Variants in CAST observed in about 807,000 individuals in gnomAD.
CAST encodes calpastatin.
In CAST, 76 loss-of-function variants were observed where a neutral mutation model predicts 119.6. The observed-to-expected ratio is 0.64, with a 90% CI of 0.53 to 0.77. CAST has a LOEUF of 0.77. Ranked by LOEUF, CAST falls within the 30% of genes least tolerant of loss-of-function variation. CAST has a pLI of 0.00. For synonymous variants in CAST, 319 were observed against 331.6 expected (o/e 0.96, Z 0.41); for missense variants, 953 against 946.5 (o/e 1.01, Z -0.09).
At chr5:96,153,158 G>A in the CAST span, among the ~76,000 whole-genome samples, 1 of 151,890 alleles carries the variant, frequency 6.6e-6, no homozygotes, top group African/African-American at 2.4e-5. Context: ...TTTTTCCTTG[G>A]CAGCATATTA....
At chr5:96,100,641 A>G in the CAST span, among the ~76,000 whole-genome samples, 1 of 152,084 alleles carries the variant, frequency 6.6e-6, no homozygotes, top group African/African-American at 2.4e-5. Flanking sequence ...TAATTTCTTC[A>G]TCTTATCTTC....
At chr5:96,344,874 A>G in the CAST span, among the ~76,000 whole-genome samples, 9 of 152,340 alleles carry the variant, frequency 5.9e-5, no homozygotes, top group Middle Eastern at 3.4e-3. Context: ...TTACACAAAT[A>G]GAGCTGAAAA....
At chr5:96,470,294 A>G in the CAST span, among the ~76,000 whole-genome samples, 1 of 152,014 alleles carries the variant, frequency 6.6e-6, no homozygotes, top group African/African-American at 2.4e-5. Context: ...ATCGAAAAAT[A>G]TATAAAGGTT....
the CAST span, among the ~76,000 whole-genome samples, chr5:96,435,569 A>T: frequency 2.0e-5 from 3 of 152,236 alleles, no homozygotes; most frequent in Non-Finnish European, 4.4e-5. Context: ...AGTGACCTCC[A>T]GGCCCATCAG....
At chr5:96,333,396 G>T in the CAST span, among the ~76,000 whole-genome samples, 1 of 152,166 alleles carries the variant, frequency 6.6e-6, no homozygotes, top group African/African-American at 2.4e-5. Flanking sequence ...AGACGCCCTA[G>T]GTGGCCGGGC....
the CAST span, among the ~76,000 whole-genome samples, chr5:96,017,340 A>C: frequency 6.6e-6 from 1 of 152,282 alleles, no homozygotes; most frequent in African/African-American, 2.4e-5. Flanking sequence ...CCAAAAGACA[A>C]CACTTTTCTA....
chr5:96,542,052 T>G (rs555047338), intron 1 of CAST, among the ~76,000 whole-genome samples: 1 of 152,334 alleles, frequency 6.6e-6, no homozygotes, highest in East Asian at 1.9e-4. Context: ...GGCTCACGCC[T>G]GTAATCCCAG....
the CAST span, among the ~76,000 whole-genome samples, chr5:96,154,592 C>T: frequency 6.2e-4 from 94 of 152,280 alleles, 1 homozygote; most frequent in East Asian, 0.015. Flanking sequence ...TTTTCTGTTC[C>T]GGGATCCATC....
chr5:96,729,704 A>C lies in CAST; in HGVS notation c.528A>C (p.Ser176=). The change falls in exon 8 of 32, where the codon TCA becomes TCC. Residue 176 remains serine (S), a synonymous_variant. Transcript: ENST00000675179. ...CCAGATCAGCTGAACAGCAGCCATCAGAGAAATCAACAGAACCAAAGGTAA... is the reference window on the plus strand; with the variant it reads ...CCAGATCAGCTGAACAGCAGCCATCCGAGAAATCAACAGAACCAAAGGTAA... ...AVSRSAEQQP[S]EKSTEPKTKP... 6.5e-7 allele frequency: 1 copy of C among 1,527,986 alleles called. No homozygotes were observed. Among genetic ancestry groups the C allele is most frequent in the African/African-American group, 1.4e-5 (1 of 73,298 alleles). 94.7% of individuals were successfully genotyped at this position (1,527,986 alleles called of 1,614,324 possible).
the CAST span, among the ~76,000 whole-genome samples, chr5:96,362,929 T>G: frequency 6.6e-6 from 1 of 152,222 alleles, no homozygotes; most frequent in African/African-American, 2.4e-5. Context: ...TCCTGAATGG[T>G]ATTGCTAAGG....
the CAST span, among the ~76,000 whole-genome samples, chr5:96,515,823 C>A: frequency 1.3e-5 from 2 of 152,022 alleles, no homozygotes; most frequent in African/African-American, 2.4e-5. Flanking sequence ...GCCCTGAGAC[C>A]AATTCACCCT....
chr5:96,106,793 T>G, the CAST span, among the ~76,000 whole-genome samples: 2 of 149,528 alleles, frequency 1.3e-5, no homozygotes, highest in Non-Finnish European at 3.0e-5. Flanking sequence ...ACTTTCTGTC[T>G]CGTTGATCTG....
the CAST span, among the ~76,000 whole-genome samples, chr5:96,349,139 A>ATTTTTTTTTTTTTTTTTTTTT: frequency 3.9e-4 from 35 of 89,622 alleles, 2 homozygotes; most frequent in African/African-American, 1.3e-3. Flanking sequence ...CAAGGACACT[A>ATTTTTTTTTTTTTTTTTTTTT]TTTTTTTTTT....
chr5:96,334,847 A>G, the CAST span, among the ~76,000 whole-genome samples: 1 of 152,212 alleles, frequency 6.6e-6, no homozygotes, highest in South Asian at 2.1e-4. Flanking sequence ...ACTCTGCTAC[A>G]GTATAAATGC....
At chr5:96,456,097 A>T in the CAST span, among the ~76,000 whole-genome samples, 1 of 152,184 alleles carries the variant, frequency 6.6e-6, no homozygotes, top group Non-Finnish European at 1.5e-5. Context: ...TAGGGAATAG[A>T]GGGGATATCT....
chr5:96,493,058 C>T, the CAST span, among the ~76,000 whole-genome samples: 1 of 152,118 alleles, frequency 6.6e-6, no homozygotes, highest in African/African-American at 2.4e-5. Context: ...ATAAAAGCTA[C>T]AGATAATTTT....
chr5:96,692,156 C>G (rs890536842), intron 2 of CAST, among the ~76,000 whole-genome samples: 2 of 152,032 alleles, frequency 1.3e-5, no homozygotes, highest in Non-Finnish European at 2.9e-5. Context: ...TGGATCCAGC[C>G]CTATCACTAG....
chr5:96,561,786 G>GGTTTTTTTTTTTTTTTTTTTTTTTTTT lies in CAST; in HGVS notation c.60+31906_60+31907insGTTTTTTTTTTTTTTTTTTTTTTTTTT, dbSNP rs1189100090. ...ATGTATATATGTGTATTATATATAT[G>GGTTTTTTTTTTTTTTTTTTTTTTTTTT]TTTTTTTTTGTTTTTTTTTTTTTTG... On this transcript the variant is annotated intron_variant, in intron 1 of 11. Coordinates refer to the CAST transcript ENST00000505143. 1.9e-5 allele frequency among the ~76,000 whole-genome samples: 2 copies of GGTTTTTTTTTTTTTTTTTTTTTTTTTT among 105,432 alleles called. 1 individual carries two copies. Among genetic ancestry groups the GGTTTTTTTTTTTTTTTTTTTTTTTTTT allele is most frequent in the African/African-American group, 7.0e-5 (2 of 28,616 alleles). 69.2% of individuals were successfully genotyped at this position (105,432 alleles called of 152,430 possible).
the CAST span, among the ~76,000 whole-genome samples, chr5:96,232,427 T>C: frequency 3.9e-5 from 6 of 152,100 alleles, no homozygotes; most frequent in South Asian, 1.2e-3. Context: ...AACATTGTCC[T>C]TACCCACAAA....
Sources: gnomAD v4.1 joint callset for allele counts (sites outside exome capture counted in the v4.1 genomes callset) on GRCh38, gnomAD v4.1.1 for gene constraint, MANE v1.5 for transcripts, NCBI Gene and HGNC (gene_info 2026-07-23, HGNC 2026-07-21) for gene names.